The following MAML2 variants were observed in gnomAD, a reference collection of about 807,000 sequenced individuals.
The protein encoded by MAML2 is mastermind like transcriptional coactivator 2, also known as mastermind-like protein 2.
A neutral mutation model predicts 96.1 loss-of-function variants in MAML2; 22 were observed. The ratio of observed to expected loss-of-function variants is 0.23; its 90% CI spans 0.16 to 0.33. The LOEUF is 0.33. MAML2 is among the 10% of genes least tolerant of loss of function. The probability of loss-of-function intolerance (pLI) is 1.00; values close to 1 mark genes in which losing one functional copy is unlikely to be tolerated. For synonymous variants in MAML2, 561 were observed against 521.3 expected (o/e 1.08, Z -1.04); for missense variants, 1,367 against 1,392.4 (o/e 0.98, Z 0.29).
chr11:96,115,775 G>C (rs1037847032), intron 1 of MAML2, among the ~76,000 whole-genome samples: 5 of 152,142 alleles, frequency 3.3e-5, no homozygotes, highest in Admixed American at 6.5e-5. Context: ...AGGATGGTCG[G>C]TGATAGTGGA....
chr11:96,091,227 A>G (rs1235854740), intron 2 of MAML2, among the ~76,000 whole-genome samples: 3 of 152,196 alleles, frequency 2.0e-5, no homozygotes, highest in Non-Finnish European at 2.9e-5. Context: ...GTTTTCCAGA[A>G]GCCTTCCCTG....
rs372896791 is a variant in MAML2, at chr11:96,241,121, A to C, written c.513+100262T>G. ...CCAACACCATCGGCTGTTGTGAGGT[A>C]GAGTTTTTATTATAGTATATATTTA... On this transcript the variant is annotated intron_variant, in intron 1 of 4. Coordinates refer to ENST00000524717, the MANE Select transcript of MAML2 (RefSeq NM_032427.4). Among the ~76,000 whole-genome samples the C allele has an allele frequency of 2.6e-5, 4 of 152,368 alleles. 1 individual carries two copies. The highest frequency in any genetic ancestry group is 6.8e-3 in the Middle Eastern group (2 of 294).
At chr11:96,180,965 T>G (rs1276929635) in intron 1 of MAML2, among the ~76,000 whole-genome samples, 14 of 106,554 alleles carry the variant, frequency 1.3e-4, no homozygotes, top group African/African-American at 2.2e-4. Context: ...TGGGCAGGAG[T>G]GGGGGTCGCA....
chr11:96,050,384 C>T (rs774376280), intron 2 of MAML2, among the ~76,000 whole-genome samples: 1 of 152,178 alleles, frequency 6.6e-6, no homozygotes, highest in Non-Finnish European at 1.5e-5. Flanking sequence ...TTATTCCACT[C>T]TGGGACATAT....
At chr11:96,122,071 A>G (rs1042098902) in intron 1 of MAML2, among the ~76,000 whole-genome samples, 11 of 144,728 alleles carry the variant, frequency 7.6e-5, no homozygotes, top group South Asian at 2.2e-4. Flanking sequence ...CGGCCTCCCA[A>G]AGTGCTCGGA....
intron 2 of MAML2, among the ~76,000 whole-genome samples, chr11:95,995,028 T>A (rs1857970539): frequency 6.6e-6 from 1 of 152,194 alleles, no homozygotes; most frequent in Non-Finnish European, 1.5e-5. Flanking sequence ...CTACAAGAGT[T>A]AGGGGAGATA....
At chr11:96,121,564 G>T (rs1028685758) in intron 1 of MAML2, among the ~76,000 whole-genome samples, 1 of 151,792 alleles carries the variant, frequency 6.6e-6, no homozygotes, top group Non-Finnish European at 1.5e-5. Flanking sequence ...TTAAATTTCA[G>T]CTTATCAAAG....
chr11:96,003,375 T>G (rs1367121419), intron 2 of MAML2, among the ~76,000 whole-genome samples: 1 of 152,152 alleles, frequency 6.6e-6, no homozygotes. Context: ...ATAATTCTGT[T>G]TTAATTATTA....
chr11:96,119,459 G>A (rs138685433), intron 1 of MAML2, among the ~76,000 whole-genome samples: 2,626 of 152,310 alleles, frequency 0.017, 37 homozygotes, highest in Middle Eastern at 0.099. Context: ...CCTCCAGAAG[G>A]AAGGCAGCCC....
chr11:96,008,794 G>A (rs11021381), intron 2 of MAML2, among the ~76,000 whole-genome samples: 25,038 of 152,014 alleles, frequency 0.16, 2,557 homozygotes, highest in East Asian at 0.37. Context: ...CTAAACTAAC[G>A]GAGTCAACTA....
In MAML2 at chr11:96,197,011, G is replaced by A. The variant is rs570429530; in HGVS notation, c.514-103494C>T. Among the ~76,000 whole-genome samples, 4 of 152,056 alleles carry A rather than the reference G, an allele frequency of 2.6e-5. No individual in the cohort carries two copies. In the South Asian group the frequency reaches 8.3e-4, roughly 32 times the overall value. ...GTTAAGCATCAGGAAGCAAATGGCA[G>A]TAGGTATTTGAGGGCAGGAGTTTAC... On this transcript the variant is annotated intron_variant, in intron 1 of 4. Transcript: ENST00000524717.
At chr11:96,151,532 C>G (rs907658080) in intron 1 of MAML2, among the ~76,000 whole-genome samples, 1 of 152,282 alleles carries the variant, frequency 6.6e-6, no homozygotes, top group Admixed American at 6.5e-5. Context: ...GGAGGTGAGG[C>G]CTGGTGGGAG....
At chr11:96,149,702 C>G (rs1217963528) in intron 1 of MAML2, among the ~76,000 whole-genome samples, 5 of 152,162 alleles carry the variant, frequency 3.3e-5, no homozygotes, top group African/African-American at 1.2e-4. Flanking sequence ...CCACTGCACT[C>G]CAGCCCAGGC....
chr11:96,336,450 T>C (rs1438750290), intron 1 of MAML2, among the ~76,000 whole-genome samples: 1 of 152,228 alleles, frequency 6.6e-6, no homozygotes, highest in Non-Finnish European at 1.5e-5. Flanking sequence ...AGGGACAATG[T>C]CTTTAGCTGT....
intron 1 of MAML2, among the ~76,000 whole-genome samples, chr11:96,145,121 A>C (rs1053200881): frequency 2.6e-5 from 4 of 152,220 alleles, no homozygotes; most frequent in African/African-American, 9.7e-5. Flanking sequence ...TTGGGCAAAC[A>C]GGAATTATTA....
At chr11:96,053,255 G>T (rs1168786443) in intron 2 of MAML2, among the ~76,000 whole-genome samples, 1 of 152,136 alleles carries the variant, frequency 6.6e-6, no homozygotes, top group East Asian at 1.9e-4. Flanking sequence ...GTCCTAAAAT[G>T]TCTGACTCAA....
intron 1 of MAML2, among the ~76,000 whole-genome samples, chr11:96,167,342 A>C (rs1861210651): frequency 6.6e-6 from 1 of 152,016 alleles, no homozygotes; most frequent in Non-Finnish European, 1.5e-5. Context: ...CAATCTTCCT[A>C]GCTGGCCTTC....
chr11:96,073,231 T>C (rs1377469302), intron 2 of MAML2, among the ~76,000 whole-genome samples: 1 of 152,212 alleles, frequency 6.6e-6, no homozygotes, highest in Non-Finnish European at 1.5e-5. Context: ...TAAAAGCTTT[T>C]GTTTGGCATT....
intron 1 of MAML2, among the ~76,000 whole-genome samples, chr11:96,292,141 T>C (rs1306075173): frequency 6.6e-6 from 1 of 152,232 alleles, no homozygotes. Flanking sequence ...CATCCTTGGA[T>C]AGAACTCAGC....
Sources: gnomAD v4.1 joint callset for allele counts (sites outside exome capture counted in the v4.1 genomes callset) on GRCh38, gnomAD v4.1.1 for gene constraint, MANE v1.5 for transcripts, NCBI Gene and HGNC (gene_info 2026-07-23, HGNC 2026-07-21) for gene names.